The following PDE10A variants were observed in gnomAD, a reference collection of about 807,000 sequenced individuals.
The protein encoded by PDE10A is cAMP and cAMP-inhibited cGMP 3',5'-cyclic phosphodiesterase 10A.
Under a neutral mutation model 97.7 loss-of-function variants are expected in PDE10A, and 39 were observed. The observed-to-expected ratio is 0.40, with a 90% CI of 0.31 to 0.52. PDE10A has a LOEUF of 0.52. Among genes scored for constraint, PDE10A ranks in the 20% least tolerant of loss-of-function variants. The pLI, the probability that PDE10A is intolerant of heterozygous loss-of-function variation, is 0.56. For missense variants in PDE10A, 731 were observed against 1,047.8 expected, an observed-to-expected ratio of 0.70 and a Z score of 4.17; for synonymous variants, 371 against 376.8, an observed-to-expected ratio of 0.98 and a Z score of 0.18.
rs564117779 is a variant in PDE10A, at chr6:165,520,045, C to T, written c.994+23395G>A. Among the ~76,000 whole-genome samples, 3 of 152,284 alleles carry T rather than the reference C, an allele frequency of 2.0e-5. No individual in the cohort carries two copies. In the East Asian group the frequency reaches 5.8e-4, roughly 29 times the overall value. ...ATTTCTCTTGAATCCAGACCTAAAA[C>T]ATAGGAGCACCAAGCTGCCTTTTCA... On this transcript the variant is annotated intron_variant, in intron 2 of 21. Coordinates refer to ENST00000539869, the MANE Select transcript of PDE10A (RefSeq NM_001385079.1).
chr6:165,538,406 C>A, intron 2 of PDE10A, among the ~76,000 whole-genome samples: 1 of 152,106 alleles, frequency 6.6e-6, no homozygotes, highest in East Asian at 1.9e-4. Flanking sequence ...TTACTGCCCA[C>A]AAAAGGTGGC....
At chr6:165,830,306 C>T (rs1447060898) in intron 1 of PDE10A, among the ~76,000 whole-genome samples, 13 of 152,250 alleles carry the variant, frequency 8.5e-5, no homozygotes, top group East Asian at 1.9e-4. Flanking sequence ...CACCGCTTTC[C>T]TTTGCGTGGG....
At chr6:165,853,639 C>T (rs984991884) in intron 1 of PDE10A, among the ~76,000 whole-genome samples, 3 of 152,170 alleles carry the variant, frequency 2.0e-5, no homozygotes, top group Admixed American at 6.5e-5. Flanking sequence ...GTAAAGAAAT[C>T]ACAATGCCAA....
chr6:165,401,088 A>G (rs1243248713), intron 13 of PDE10A, among the ~76,000 whole-genome samples: 3 of 152,200 alleles, frequency 2.0e-5, no homozygotes, highest in Admixed American at 6.5e-5. Flanking sequence ...TATTTATTAT[A>G]CTGATTATGT....
intron 1 of PDE10A, among the ~76,000 whole-genome samples, chr6:165,877,347 G>A (rs555893697): frequency 1.3e-4 from 20 of 152,178 alleles, no homozygotes; most frequent in Middle Eastern, 3.4e-3. Flanking sequence ...CTCCCCAAGA[G>A]CAACTGCATT....
intron 1 of PDE10A, among the ~76,000 whole-genome samples, chr6:165,563,388 C>T (rs1784620320): frequency 6.6e-6 from 1 of 152,076 alleles, no homozygotes; most frequent in African/African-American, 2.4e-5. Flanking sequence ...ACCACAGGCA[C>T]AAGAAAGTAT....
chr6:165,676,763 C>T (rs1790808013), intron 1 of PDE10A, among the ~76,000 whole-genome samples: 1 of 152,040 alleles, frequency 6.6e-6, no homozygotes, highest in South Asian at 2.1e-4. Context: ...AGCTCACCCA[C>T]ATTTCACGGC....
intron 1 of PDE10A, among the ~76,000 whole-genome samples, chr6:165,743,498 G>T (rs934634967): frequency 2.0e-5 from 3 of 152,128 alleles, no homozygotes; most frequent in Non-Finnish European, 4.4e-5. Context: ...TTGCATCTCC[G>T]TCTGTAGAAT....
chr6:165,881,515 C>A (rs1055309280), intron 1 of PDE10A, among the ~76,000 whole-genome samples: 1 of 151,108 alleles, frequency 6.6e-6, no homozygotes, highest in Non-Finnish European at 1.5e-5. Context: ...CCTGCCTCAG[C>A]CTCCTGAGGA....
At chr6:165,353,398 G>A (rs1782822399) in intron 18 of PDE10A, among the ~76,000 whole-genome samples, 1 of 152,174 alleles carries the variant, frequency 6.6e-6, no homozygotes, top group Non-Finnish European at 1.5e-5. Context: ...ACCCAGAGGA[G>A]TTGGAAATTT....
intron 1 of PDE10A, among the ~76,000 whole-genome samples, chr6:165,855,827 A>T (rs1780717130): frequency 6.6e-6 from 1 of 152,100 alleles, no homozygotes; most frequent in South Asian, 2.1e-4. Context: ...GTCAGGTCCA[A>T]TGGGCACAGC....
intron 1 of PDE10A, chr6:165,947,009 AT>A (rs1783793720): frequency 6.6e-6 from 1 of 152,052 alleles, no homozygotes; most frequent in East Asian, 1.9e-4. Context: ...TGCTCCAAAC[AT>A]TTTCTTTAGC....
chr6:165,577,446 C>G (rs59145632), intron 1 of PDE10A, among the ~76,000 whole-genome samples: 13,545 of 152,194 alleles, frequency 0.089, 943 homozygotes, highest in African/African-American at 0.19. Context: ...GGGAAGTCTT[C>G]TAGGGCTTCA....
At chr6:165,559,847 C>T (rs555739961) in intron 1 of PDE10A, among the ~76,000 whole-genome samples, 66 of 152,238 alleles carry the variant, frequency 4.3e-4, no homozygotes, top group African/African-American at 1.3e-3. Context: ...TTTCTGCTTT[C>T]GCTTCTCTTT....
intron 1 of PDE10A, among the ~76,000 whole-genome samples, chr6:165,904,447 AC>A (rs1782208818): frequency 6.6e-6 from 1 of 152,236 alleles, no homozygotes; most frequent in African/African-American, 2.4e-5. Flanking sequence ...TTAAGAATCA[AC>A]CCATACAGGA....
intron 12 of PDE10A, among the ~76,000 whole-genome samples, chr6:165,415,130 A>G (rs1788216457): frequency 6.6e-6 from 1 of 152,204 alleles, no homozygotes; most frequent in South Asian, 2.1e-4. Flanking sequence ...CATTTTCTTA[A>G]TAGTCTGACT....
At chr6:165,400,225 T>C (rs933946634) in intron 13 of PDE10A, among the ~76,000 whole-genome samples, 3 of 151,494 alleles carry the variant, frequency 2.0e-5, no homozygotes, top group African/African-American at 7.3e-5. Flanking sequence ...AACCTAAAAC[T>C]ATAAAACTTC....
At chr6:165,450,080 C>T (rs1791176816) in intron 4 of PDE10A, among the ~76,000 whole-genome samples, 162 bp downstream of exon 4, 1 of 152,164 alleles carries the variant, frequency 6.6e-6, no homozygotes, top group South Asian at 2.1e-4. Context: ...GTTTGACTCA[C>T]CTCTGGTAGT....
intron 1 of PDE10A, among the ~76,000 whole-genome samples, chr6:165,574,400 C>A (rs1785202037): frequency 3.3e-5 from 5 of 152,198 alleles, no homozygotes; most frequent in Admixed American, 2.6e-4. Flanking sequence ...ACGCAGGGGA[C>A]AGAGTTCCAC....
Sources: allele counts gnomAD v4.1 joint callset (sites outside exome capture counted in the v4.1 genomes callset), GRCh38; gene constraint gnomAD v4.1.1; transcripts MANE v1.5; gene names NCBI Gene and HGNC (gene_info 2026-07-23, HGNC 2026-07-21).